The following FGF1 variants were observed in gnomAD, a reference collection of about 807,000 sequenced individuals.
FGF1 encodes beta-endothelial cell growth factor.
Under a neutral mutation model 13.4 loss-of-function variants are expected in FGF1, and 9 were observed. The observed-to-expected ratio is 0.67, with a 90% CI of 0.40 to 1.17. FGF1 has a LOEUF of 1.17. Ranked by LOEUF, FGF1 falls within the 50% of genes most tolerant of loss-of-function variation. FGF1 has a pLI of 0.01. For synonymous variants in FGF1, 93 were observed against 79.0 expected (o/e 1.18, Z -0.94); for missense variants, 156 against 192.7 (o/e 0.81, Z 1.13).
intron 1 of FGF1, among the ~76,000 whole-genome samples, chr5:142,644,893 C>T (rs903525666): frequency 5.3e-5 from 8 of 152,158 alleles, no homozygotes; most frequent in African/African-American, 9.7e-5. Flanking sequence ...GAAACAAGCA[C>T]GGTAGCTCCA....
At chr5:142,689,888 A>G (rs1751884880), upstream of FGF1, among the ~76,000 whole-genome samples, 1 of 149,666 alleles carries the variant, frequency 6.7e-6, no homozygotes, top group Admixed American at 6.6e-5. Context: ...TGTTCAGTAG[A>G]GACAGGGTTT....
At chr5:142,667,852 G>A (rs959655165) in intron 1 of FGF1, among the ~76,000 whole-genome samples, 14 of 152,274 alleles carry the variant, frequency 9.2e-5, no homozygotes, top group African/African-American at 2.6e-4. Context: ...TGGAGGAAGC[G>A]CCCTGGCTAG....
At chr5:142,692,875 A>G (rs1752471028) in intron 2 of FGF1, among the ~76,000 whole-genome samples, 1 of 152,098 alleles carries the variant, frequency 6.6e-6, no homozygotes, top group Non-Finnish European at 1.5e-5. Context: ...CTGGATCCCC[A>G]GTTTCTTATT....
chr5:142,603,034 A>G (rs1014146988), intron 2 of FGF1, among the ~76,000 whole-genome samples: 3 of 152,128 alleles, frequency 2.0e-5, no homozygotes, highest in African/African-American at 7.2e-5. Flanking sequence ...ATTCACAGGA[A>G]GGAACTGGAA....
intron 1 of FGF1, chr5:142,644,078 TAA>T (rs1404717682): frequency 6.6e-6 from 1 of 152,142 alleles, no homozygotes; most frequent in African/African-American, 2.4e-5. Context: ...CCAGGAGCCC[TAA>T]AACAAAAAAG....
rs975840262 is a variant in FGF1 at position 142,632,764 on chromosome 5, CTTCATTTGTAATGGTTGCATACAGATGG to C, written c.-34-18631_-34-18604del. On this transcript the variant is annotated intron_variant, in intron 1 of 3. Transcript: ENST00000337706. ...CTCATTAATAAACAGAAACCTACAC[CTTCATTTGTAATGGTTGCATACAGATGG>C]TTCATTTGTAATGGTTGCACCTTCA... Among the ~76,000 whole-genome samples the C allele has an allele frequency of 4.6e-5, 7 of 152,084 alleles. 1 individual carries two copies. Among genetic ancestry groups the C allele is most frequent in the Admixed American group, 4.6e-4 (7 of 15,266 alleles).
intron 1 of FGF1, among the ~76,000 whole-genome samples, chr5:142,649,256 T>C (rs769681829): frequency 1.7e-4 from 26 of 152,242 alleles, no homozygotes; most frequent in Non-Finnish European, 2.9e-4. Context: ...TTGCTCCAGA[T>C]GGATGGTTCT....
chr5:142,619,980 T>C (rs1386913355), intron 1 of FGF1, among the ~76,000 whole-genome samples: 1 of 151,704 alleles, frequency 6.6e-6, no homozygotes, highest in Non-Finnish European at 1.5e-5. Flanking sequence ...ACAATAAATG[T>C]AAATGTGCTA....
At position 142,674,956 on chromosome 5, in the gene FGF1, G is replaced by T. The variant is rs146992117; in HGVS notation, c.-35+11001C>A. ...TGACCTCCCCTAGGGCCCATCCAGC[G>T]TGGGAGCCGAACCTCCCACCACAGT... is the stretch of plus-strand genomic sequence containing the variant. On this transcript the variant is annotated intron_variant, in intron 1 of 3. Transcript: ENST00000337706. Among the ~76,000 whole-genome samples the T allele has an allele frequency of 7.2e-4, 109 of 152,238 alleles. 1 individual carries two copies. The highest frequency in any genetic ancestry group is 2.4e-3 in the African/African-American group (99 of 41,538).
chr5:142,686,475 G>A (rs1283559176), upstream of FGF1: 1 of 152,220 alleles, frequency 6.6e-6, no homozygotes, highest in South Asian at 2.1e-4. Flanking sequence ...TGGGGCAAAT[G>A]TGTGAGCCGA....
chr5:142,667,803 C>A (rs184521846), intron 1 of FGF1, among the ~76,000 whole-genome samples: 1 of 152,314 alleles, frequency 6.6e-6, no homozygotes, highest in African/African-American at 2.4e-5. Flanking sequence ...TACTTCCAGC[C>A]TCATCCACAT....
At chr5:142,647,013 A>G (rs1766279462) in intron 1 of FGF1, among the ~76,000 whole-genome samples, 1 of 152,206 alleles carries the variant, frequency 6.6e-6, no homozygotes, top group South Asian at 2.1e-4. Context: ...TTCAGCACCC[A>G]ATACCAGTTT....
chr5:142,692,684 C>A (rs971419823), intron 2 of FGF1, among the ~76,000 whole-genome samples: 1 of 149,426 alleles, frequency 6.7e-6, no homozygotes, highest in Non-Finnish European at 1.5e-5. Context: ...CACGCACACA[C>A]GCACACACAC....
chr5:142,597,779 C>A (rs1465600810), intron 3 of FGF1, among the ~76,000 whole-genome samples: 3 of 152,126 alleles, frequency 2.0e-5, no homozygotes, highest in Non-Finnish European at 4.4e-5. Flanking sequence ...AGATTATAAA[C>A]CCTAGTGAGG....
At chr5:142,660,601 T>G (rs1769040220) in intron 1 of FGF1, among the ~76,000 whole-genome samples, 1 of 152,232 alleles carries the variant, frequency 6.6e-6, no homozygotes, top group African/African-American at 2.4e-5. Context: ...ACTCGCCTTC[T>G]GATCACACCC....
chr5:142,622,777 T>C (rs34021), intron 1 of FGF1, among the ~76,000 whole-genome samples: 105,223 of 152,178 alleles, frequency 0.69, 36,867 homozygotes, highest in African/African-American at 0.79. Context: ...TCTATTTCTT[T>C]TGCTCCATGT....
At chr5:142,646,566 T>C (rs1766167023) in intron 1 of FGF1, among the ~76,000 whole-genome samples, 1 of 152,060 alleles carries the variant, frequency 6.6e-6, no homozygotes, top group Non-Finnish European at 1.5e-5. Flanking sequence ...TTGGTCAGGC[T>C]AGTCTCAAAC....
At chr5:142,649,155 G>A (rs1184803380) in intron 1 of FGF1, among the ~76,000 whole-genome samples, 1 of 152,058 alleles carries the variant, frequency 6.6e-6, no homozygotes, top group African/African-American at 2.4e-5. Flanking sequence ...AGTTGTGATC[G>A]CTCTTGATTC....
At chr5:142,697,074 T>A (rs368374080) in intron 2 of FGF1, among the ~76,000 whole-genome samples, 62 of 152,332 alleles carry the variant, frequency 4.1e-4, no homozygotes, top group African/African-American at 1.5e-3. Flanking sequence ...TTATTCCTCT[T>A]GTTTTCAACC....
Sources: gnomAD v4.1 joint callset for allele counts (sites outside exome capture counted in the v4.1 genomes callset) on GRCh38, gnomAD v4.1.1 for gene constraint, MANE v1.5 for transcripts, NCBI Gene and HGNC (gene_info 2026-07-23, HGNC 2026-07-21) for gene names.